MTF2: variants seen among roughly 807,000 people sequenced by gnomAD.
MTF2 encodes metal response element binding transcription factor 2.
MTF2 carries 11 observed loss-of-function variants against 79.5 expected under a neutral mutation model. The ratio of observed to expected loss-of-function variants is 0.14; its 90% CI spans 0.09 to 0.23. The LOEUF is 0.23. MTF2 is among the 10% of genes least tolerant of loss of function. The probability of loss-of-function intolerance (pLI) is 1.00; values close to 1 mark genes in which losing one functional copy is unlikely to be tolerated. For missense variants in MTF2, 486 were observed against 711.2 expected, an observed-to-expected ratio of 0.68 and a Z score of 3.60; for synonymous variants, 208 against 232.8, an observed-to-expected ratio of 0.89 and a Z score of 0.97.
chr1:93,127,359 A>G, intron 10 of MTF2, 60 bp downstream of exon 10: 1 of 1,098,046 alleles, frequency 9.1e-7, no homozygotes, highest in Non-Finnish European at 1.4e-6. Flanking sequence ...ATAAGGAATA[A>G]TGGCATTGTT....
intron 1 of MTF2, among the ~76,000 whole-genome samples, chr1:93,083,071 G>T (rs575623336): frequency 6.6e-6 from 1 of 152,290 alleles, no homozygotes; most frequent in South Asian, 2.1e-4. Context: ...AAATAATTTT[G>T]ATCGGCTTAC....
chr1:93,082,462 A>AT (rs1024682800), intron 1 of MTF2, among the ~76,000 whole-genome samples: 6 of 151,342 alleles, frequency 4.0e-5, no homozygotes, highest in East Asian at 1.9e-4. Flanking sequence ...TAAATTTTTA[A>AT]TTTTTTTTGT....
At chr1:93,131,755 G>A (rs1656926181) in intron 11 of MTF2, among the ~76,000 whole-genome samples, 1 of 152,170 alleles carries the variant, frequency 6.6e-6, no homozygotes. Context: ...ATCCAGTGGA[G>A]AAGAGGAAAT....
intron 1 of MTF2, among the ~76,000 whole-genome samples, chr1:93,080,513 G>C (rs1571208291): frequency 6.6e-6 from 1 of 152,214 alleles, no homozygotes; most frequent in Non-Finnish European, 1.5e-5. Context: ...TTTGGTTAAA[G>C]ATAGAAACCA....
At chr1:93,084,223 G>A (rs1654739841) in intron 1 of MTF2, among the ~76,000 whole-genome samples, 1 of 151,946 alleles carries the variant, frequency 6.6e-6, no homozygotes, top group Admixed American at 6.6e-5. Context: ...CAGTTTTCTA[G>A]TACCATTTGT....
At chr1:93,104,678 A>C (rs1356290490) in intron 1 of MTF2, among the ~76,000 whole-genome samples, 36 of 25,020 alleles carry the variant, frequency 1.4e-3, no homozygotes, top group South Asian at 9.1e-3. Context: ...ACTCCATCTC[A>C]AAAAAAAAAA....
chr1:93,121,395 A>T, intron 9 of MTF2: 1 of 829,058 alleles, frequency 1.2e-6, no homozygotes, highest in Non-Finnish European at 1.5e-6. Flanking sequence ...AACTACTTTT[A>T]GTTAAAACTA....
chr1:93,127,587 ATAATG>A (rs1656749397), intron 10 of MTF2, among the ~76,000 whole-genome samples: 2 of 152,170 alleles, frequency 1.3e-5, no homozygotes, highest in African/African-American at 2.4e-5. Flanking sequence ...ACTTCCTTCT[ATAATG>A]TAATGTACTG....
At chr1:93,116,425 A>G (rs1656250181) in intron 6 of MTF2, among the ~76,000 whole-genome samples, 1 of 150,436 alleles carries the variant, frequency 6.6e-6, no homozygotes, top group Non-Finnish European at 1.5e-5. Context: ...CTTTTGACAT[A>G]CCTTCCTAAC....
intron 1 of MTF2, among the ~76,000 whole-genome samples, chr1:93,107,551 G>T (rs1655846719): frequency 6.6e-6 from 1 of 152,168 alleles, no homozygotes; most frequent in African/African-American, 2.4e-5. Context: ...TGATAAAATA[G>T]AAATGGCATA....
chr1:93,093,076 G>C (rs6604042), intron 1 of MTF2, among the ~76,000 whole-genome samples: 26,214 of 151,760 alleles, frequency 0.17, 3,923 homozygotes, highest in African/African-American at 0.41. Flanking sequence ...CAGCTACTTG[G>C]GAGGCTGAGG....
intron 1 of MTF2, among the ~76,000 whole-genome samples, chr1:93,094,652 G>A (rs1211640734): frequency 5.8e-4 from 88 of 151,906 alleles, no homozygotes; most frequent in Non-Finnish European, 4.4e-5. Context: ...TAGATCTAGA[G>A]GCTTACCAGG....
intron 6 of MTF2, 51 bp downstream of exon 6, chr1:93,115,669 T>C (rs952225096): frequency 2.2e-5 from 31 of 1,417,098 alleles, no homozygotes; most frequent in Middle Eastern, 1.9e-4. Context: ...TATTTACTTA[T>C]CTATTTTTCT....
At chr1:93,081,712 T>C (rs1237752808) in intron 1 of MTF2, among the ~76,000 whole-genome samples, 1 of 152,220 alleles carries the variant, frequency 6.6e-6, no homozygotes, top group Non-Finnish European at 1.5e-5. Context: ...CAGTGTTCTA[T>C]ATCTGCTGTA....
intron 7 of MTF2, 120 bp from the exon 8 acceptor site, chr1:93,119,213 G>A: frequency 3.0e-6 from 2 of 659,254 alleles, no homozygotes; most frequent in Non-Finnish European, 5.2e-6. Flanking sequence ...ATTATATTTT[G>A]TTTTGAGTAT....
At chr1:93,133,326 C>G (rs1647216254) in intron 11 of MTF2, among the ~76,000 whole-genome samples, 1 of 152,060 alleles carries the variant, frequency 6.6e-6, no homozygotes, top group African/African-American at 2.4e-5. Flanking sequence ...AAACATCCTC[C>G]AAGTTGTAAC....
intron 1 of MTF2, among the ~76,000 whole-genome samples, chr1:93,086,684 C>T (rs1571213590): frequency 6.6e-6 from 1 of 151,996 alleles, no homozygotes; most frequent in African/African-American, 2.4e-5. Flanking sequence ...TGACTTGTAG[C>T]TTTTTCAGCC....
rs1272215884 is a variant in MTF2 at position 93,115,637 on chromosome 1, G to A, written c.632+19G>A. 2 of 1,499,200 alleles carry A rather than the reference G, an allele frequency of 1.3e-6. No individual in the cohort carries two copies. The highest frequency in any genetic ancestry group is 1.8e-4 in the Middle Eastern group (1 of 5,628). 92.9% of individuals were successfully genotyped at this position (1,499,200 alleles called of 1,614,324 possible). On this transcript the variant is annotated intron_variant, in intron 6 of 14. Coordinates refer to ENST00000370298, the MANE Select transcript of MTF2 (RefSeq NM_007358.4). ...CTGGAGAGTAAGTAAATACAGTTAT[G>A]TAATTCCCTTTAAGTAATTTTTATT...
intron 1 of MTF2, 97 bp downstream of exon 1, chr1:93,079,628 G>A: frequency 2.1e-6 from 3 of 1,423,564 alleles, no homozygotes; most frequent in Admixed American, 3.6e-5. Flanking sequence ...AAAGATGGAG[G>A]ACCAAGGTGG....
Sources: allele counts gnomAD v4.1 joint callset (sites outside exome capture counted in the v4.1 genomes callset), GRCh38; gene constraint gnomAD v4.1.1; transcripts MANE v1.5; gene names NCBI Gene and HGNC (gene_info 2026-07-23, HGNC 2026-07-21).